Variants in LOXL1 observed in about 807,000 individuals in gnomAD.
LOXL1 encodes lysyl oxidase like 1.
Under a neutral mutation model 62.2 loss-of-function variants are expected in LOXL1, and 31 were observed. The observed-to-expected ratio is 0.50, with a 90% CI of 0.37 to 0.67. LOXL1 has a LOEUF of 0.67. Among genes scored for constraint, LOXL1 ranks in the 30% least tolerant of loss-of-function variants. The probability of loss-of-function intolerance (pLI) is 0.00; values close to 1 mark genes in which losing one functional copy is unlikely to be tolerated. For synonymous variants in LOXL1, 403 were observed against 384.4 expected (o/e 1.05, Z -0.56); for missense variants, 775 against 843.4 (o/e 0.92, Z 1.00).
Position 73,946,417 on chromosome 15 carries a change from C to G in LOXL1, c.1212C>G (p.Ser404Arg). 3 of 1,610,914 alleles carry G rather than the reference C, an allele frequency of 1.9e-6. No individual in the cohort carries two copies. The highest frequency in any genetic ancestry group is 2.5e-6 in the Non-Finnish European group (3 of 1,178,342). Residue 404 changes from serine (S) to arginine (R), a missense_variant and splice_region_variant, in exon 3 of 7, where the codon AGC becomes AGG. Transcript: ENST00000261921. ...RCAAEEKCLA[S>R]TAYAPEATDY... ...CTCATCTCCCCCGCCGTCCCTGCAG[C>G]ACAGCCTATGCCCCTGAGGCCACCG...
intron 1 of LOXL1, among the ~76,000 whole-genome samples, chr15:73,938,317 A>ATCTATCTATCTATCTATCTG: frequency 6.7e-6 from 1 of 150,212 alleles, no homozygotes; most frequent in South Asian, 2.1e-4. Flanking sequence ...CTATCTATCT[A>ATCTATCTATCTATCTATCTG]GGTAGATAGA....
chr15:73,939,346 G>A (rs980480992), intron 1 of LOXL1, among the ~76,000 whole-genome samples: 1 of 152,136 alleles, frequency 6.6e-6, no homozygotes, highest in African/African-American at 2.4e-5. Context: ...GAGGCGGGGG[G>A]GCCTGGCCTG....
At chr15:73,949,418 C>A in intron 5 of LOXL1, 41 bp from the exon 6 acceptor site, 1 of 1,217,720 alleles carries the variant, frequency 8.2e-7, no homozygotes, top group South Asian at 1.2e-5. Flanking sequence ...TGCAGCCCCC[C>A]TGACTAGACT....
chr15:73,936,256 A>G (rs2068671514), intron 1 of LOXL1, among the ~76,000 whole-genome samples: 1 of 152,136 alleles, frequency 6.6e-6, no homozygotes, highest in Non-Finnish European at 1.5e-5. Flanking sequence ...ATTATGGGGC[A>G]AAGTGGAATC....
intron 1 of LOXL1, among the ~76,000 whole-genome samples, chr15:73,931,655 G>C (rs2068636467): frequency 6.6e-6 from 1 of 152,098 alleles, no homozygotes; most frequent in Non-Finnish European, 1.5e-5. Context: ...GGCCAGACCT[G>C]TCTGGACCCT....
chr15:73,943,375 A>G (rs535727626), intron 2 of LOXL1, among the ~76,000 whole-genome samples: 136 of 152,332 alleles, frequency 8.9e-4, no homozygotes, highest in Non-Finnish European at 1.7e-3. Context: ...GGACCCAAGG[A>G]AGTCCTATTG....
chr15:73,948,854 G>A (rs1380895990), intron 5 of LOXL1, among the ~76,000 whole-genome samples: 1 of 152,216 alleles, frequency 6.6e-6, no homozygotes, highest in Non-Finnish European at 1.5e-5. Context: ...CCCTTTGGGA[G>A]TGTACCAGGA....
chr15:73,941,849 T>G (rs965086831), intron 1 of LOXL1: 1 of 169,060 alleles, frequency 5.9e-6, no homozygotes, highest in African/African-American at 2.4e-5. Flanking sequence ...TCTGGACACC[T>G]AAGTTTGGTT....
intron 1 of LOXL1, among the ~76,000 whole-genome samples, chr15:73,942,445 G>A (rs1169253515): frequency 1.3e-5 from 2 of 152,022 alleles, no homozygotes; most frequent in Non-Finnish European, 2.9e-5. Flanking sequence ...CCAGAGGCCT[G>A]GGGAGTAAGG....
At chr15:73,940,461 T>A (rs1312050289) in intron 1 of LOXL1, among the ~76,000 whole-genome samples, 3 of 152,134 alleles carry the variant, frequency 2.0e-5, no homozygotes, top group African/African-American at 7.2e-5. Flanking sequence ...CTGTTTTTTT[T>A]TTTTTCCTTT....
At position 73,926,992 on chromosome 15, in the gene LOXL1, A is replaced by T. The variant is rs1445109377; in HGVS notation, c.209A>T (p.Glu70Val). The change falls in exon 1 of 7, where the codon GAG (glutamate) becomes GTG (valine). Residue 70 changes from glutamate to valine, a missense_variant. Physicochemically the swap from Glu to Val is moderately radical, Grantham distance 121. Coordinates refer to ENST00000261921, the MANE Select transcript of LOXL1 (RefSeq NM_005576.4). ...GTGCCGGCCGGACCTCAGCGCTCCG[A>T]GAGTAGCTCCCGGGTGCTGCTGGCC... ...EYVPAGPQRS[E>V]SSSRVLLAGA... is the part of the protein sequence containing the mutation. 2 of 1,486,270 alleles carry T rather than the reference A, an allele frequency of 1.3e-6. No homozygotes were observed. The highest frequency in any genetic ancestry group is 5.8e-5 in the East Asian group (2 of 34,640). 92.1% of individuals were successfully genotyped at this position (1,486,270 alleles called of 1,614,324 possible).
intron 2 of LOXL1, 147 bp from the exon 3 acceptor site, chr15:73,946,270 A>G (rs1438313922): frequency 6.5e-6 from 4 of 617,856 alleles, no homozygotes; most frequent in Non-Finnish European, 1.1e-5. Context: ...CCACAGTTCG[A>G]GGAGACAGAG....
rs187243879 is a variant in LOXL1, at chr15:73,932,615, G to A, written c.1102+4730G>A. Among the ~76,000 whole-genome samples the A allele has an allele frequency of 7.9e-5, 12 of 152,304 alleles. No individual in the cohort carries two copies. The East Asian group carries it at 2.1e-3, about 27-fold the overall frequency. The stretch of plus-strand genomic sequence containing the variant: ...TCATGGTCATTGCAGATTCCAGAAC[G>A]TTTGTGTAACAAACACTCATATGGT... On this transcript the variant is annotated intron_variant, in intron 1 of 6. Transcript: ENST00000261921.
chr15:73,936,724 G>A (rs893817), intron 1 of LOXL1, among the ~76,000 whole-genome samples: 100,967 of 152,146 alleles, frequency 0.66, 33,801 homozygotes, highest in Middle Eastern at 0.79. Flanking sequence ...GCAATGGGAA[G>A]GCAGCCACAG....
intron 4 of LOXL1, 74 bp downstream of exon 4, chr15:73,947,297 G>A (rs751250524): frequency 2.9e-5 from 44 of 1,500,066 alleles, no homozygotes; most frequent in Non-Finnish European, 3.8e-5. Flanking sequence ...GGCCCGCTGA[G>A]GCCCGGCAAG....
chr15:73,938,323 A>ATC (rs1445292675), intron 1 of LOXL1, among the ~76,000 whole-genome samples: 11 of 61,058 alleles, frequency 1.8e-4, no homozygotes, highest in African/African-American at 4.6e-4. Context: ...ATCTAGGTAG[A>ATC]TAGATAGAAC....
intron 1 of LOXL1, among the ~76,000 whole-genome samples, chr15:73,938,683 CCTGGG>C (rs1419307173): frequency 6.6e-6 from 1 of 152,190 alleles, no homozygotes; most frequent in African/African-American, 2.4e-5. Flanking sequence ...TGCCCTCCAG[CCTGGG>C]CTGATGGTTT....
At chr15:73,941,603 T>C (rs995707487) in intron 1 of LOXL1, among the ~76,000 whole-genome samples, 4 of 152,142 alleles carry the variant, frequency 2.6e-5, no homozygotes, top group Non-Finnish European at 4.4e-5. Context: ...TCAAAGAAAC[T>C]AAGAGGAGCT....
At chr15:73,931,993 C>T (rs909097590) in intron 1 of LOXL1, among the ~76,000 whole-genome samples, 3 of 152,190 alleles carry the variant, frequency 2.0e-5, no homozygotes, top group African/African-American at 7.2e-5. Context: ...TATGGTCCTC[C>T]TGGTGTAGAT....
Sources: allele counts gnomAD v4.1 joint callset (sites outside exome capture counted in the v4.1 genomes callset), GRCh38; gene constraint gnomAD v4.1.1; transcripts MANE v1.5; gene names NCBI Gene and HGNC (gene_info 2026-07-23, HGNC 2026-07-21).